TNRC6C: variants seen among roughly 807,000 people sequenced by gnomAD.
TNRC6C encodes the protein trinucleotide repeat containing adaptor 6C, also known as trinucleotide repeat-containing gene 6C protein.
Under a neutral mutation model 153.7 loss-of-function variants are expected in TNRC6C, and 20 were observed. The observed-to-expected ratio is 0.13, with a 90% CI of 0.09 to 0.19. TNRC6C has a LOEUF of 0.19. TNRC6C is among the 10% of genes least tolerant of loss of function. The pLI is 1.00. For synonymous variants in TNRC6C, 811 were observed against 841.4 expected, an observed-to-expected ratio of 0.96 and a Z score of 0.63; for missense variants, 1,987 against 2,172.0, an observed-to-expected ratio of 0.91 and a Z score of 1.69.
At chr17:77,981,762 G>A (rs1367889426) in intron 1 of TNRC6C, among the ~76,000 whole-genome samples, 2 of 152,186 alleles carry the variant, frequency 1.3e-5, no homozygotes, top group Non-Finnish European at 2.9e-5. Flanking sequence ...GTGGAACACC[G>A]CTATGCCCGT....
chr17:77,957,646 T>C (rs1225704047), upstream of TNRC6C, among the ~76,000 whole-genome samples: 2 of 152,234 alleles, frequency 1.3e-5, no homozygotes, highest in Non-Finnish European at 2.9e-5. Flanking sequence ...GATCCTCCAC[T>C]GAACGATGGG....
At chr17:78,058,091 C>G (rs865866757) in intron 3 of TNRC6C, among the ~76,000 whole-genome samples, 16 of 152,174 alleles carry the variant, frequency 1.1e-4, no homozygotes, top group African/African-American at 3.4e-4. Context: ...GCTCCAGAGG[C>G]CGCACTTGAC....
At chr17:78,107,228 T>C (rs2144705592) in exon 20 of TNRC6C, 1 of 152,340 alleles carries the variant, frequency 6.6e-6, no homozygotes, top group East Asian at 1.9e-4. Flanking sequence ...TATGTTTGTT[T>C]GTTTTTGGGT....
Position 78,096,163 on chromosome 17 carries a change from CAG to C in TNRC6C, c.4307-2176_4307-2175del, listed in dbSNP as rs555013938. Among the ~76,000 whole-genome samples, 22 of 152,320 alleles carry C rather than the reference CAG, an allele frequency of 1.4e-4. No individual in the cohort carries two copies. In the South Asian group the frequency reaches 4.6e-3, roughly 32 times the overall value. On this transcript the variant is annotated intron_variant, in intron 16 of 19. Coordinates refer to ENST00000301624, the Ensembl canonical transcript of TNRC6C. ...CTTCTTGAGGGAATTAACACAGGAA[CAG>C]AGAACAGACAGCTCACACGTTCCCA...
At chr17:78,074,996 G>A in intron 7 of TNRC6C, 140 bp from the exon 10 acceptor site, 9 of 1,128,142 alleles carry the variant, frequency 8.0e-6, no homozygotes, top group Non-Finnish European at 1.1e-5. Context: ...GCAAAGCAAG[G>A]GCTCTCTCTG....
intron 1 of TNRC6C, among the ~76,000 whole-genome samples, chr17:77,964,734 G>A (rs943006282): frequency 5.9e-5 from 9 of 152,090 alleles, no homozygotes; most frequent in South Asian, 4.1e-4. Context: ...TGTGGACAAC[G>A]GTTATTCAGA....
At chr17:78,030,752 C>T (rs1277526838) in intron 1 of TNRC6C, among the ~76,000 whole-genome samples, 1 of 152,132 alleles carries the variant, frequency 6.6e-6, no homozygotes, top group Non-Finnish European at 1.5e-5. Flanking sequence ...CAGTGGTTCT[C>T]ATAGAGAGGT....
chr17:77,970,487 C>T (rs957265467), intron 1 of TNRC6C, among the ~76,000 whole-genome samples: 7 of 152,168 alleles, frequency 4.6e-5, no homozygotes, highest in South Asian at 2.1e-4. Context: ...CCTCACCTGG[C>T]TGCTGCTTTA....
intron 16 of TNRC6C, among the ~76,000 whole-genome samples, chr17:78,094,735 T>C (rs2144588169): frequency 6.6e-6 from 1 of 152,358 alleles, no homozygotes; most frequent in Admixed American, 6.5e-5. Flanking sequence ...CCAGTGTGCC[T>C]GGCTGCTTCT....
At chr17:78,084,519 A>T (rs2073242493) in intron 11 of TNRC6C, among the ~76,000 whole-genome samples, 1 of 152,010 alleles carries the variant, frequency 6.6e-6, no homozygotes, top group South Asian at 2.1e-4. Context: ...TGTCCCAGAG[A>T]CACATGCTAT....
chr17:78,104,962 G>C lies in TNRC6C; in HGVS notation c.*117G>C. 1 of 1,299,118 alleles carries C rather than the reference G, an allele frequency of 7.7e-7. No individual in the cohort carries two copies. 80.5% of individuals were successfully genotyped at this position (1,299,118 alleles called of 1,614,324 possible). A position where few individuals can be genotyped will look rare whatever the true frequency, so the allele number is the denominator to read the frequency against. The stretch of plus-strand genomic sequence containing the variant: ...CCGCCCTTTTGAGTACCTCTGTCCA[G>C]GACTGAAGACGAACCTTGGCCGCAG... On this transcript the variant is annotated 3_prime_UTR_variant, in exon 20 of 20. Coordinates refer to ENST00000301624, the Ensembl canonical transcript of TNRC6C. The surrounding 1 kb of genome is among the most constrained non-coding windows in gnomAD (Gnocchi z 6.2).
intron 12 of TNRC6C, 127 bp from the exon 15 acceptor site, chr17:78,086,726 T>C (rs949819515): frequency 3.2e-6 from 5 of 1,565,828 alleles, no homozygotes; most frequent in East Asian, 4.5e-5. Flanking sequence ...TCAGCTAGGT[T>C]TGGGAGGAGG....
At chr17:78,012,994 C>G (rs1428384492) in intron 1 of TNRC6C, among the ~76,000 whole-genome samples, 1 of 152,138 alleles carries the variant, frequency 6.6e-6, no homozygotes, top group Non-Finnish European at 1.5e-5. Flanking sequence ...TGGGCCACTC[C>G]CAGTTGTGCC....
intron 1 of TNRC6C, among the ~76,000 whole-genome samples, chr17:78,010,384 G>A (rs2071605006): frequency 1.3e-5 from 2 of 152,112 alleles, no homozygotes; most frequent in South Asian, 4.1e-4. Context: ...ACAAAGTATT[G>A]GCAGTGTGCT....
chr17:78,090,850 A>G (rs2073380772), intron 13 of TNRC6C, among the ~76,000 whole-genome samples: 1 of 152,234 alleles, frequency 6.6e-6, no homozygotes, highest in African/African-American at 2.4e-5. Context: ...TGTAAAGGAA[A>G]CTCACTAAAG....
intron 17 of TNRC6C, among the ~76,000 whole-genome samples, chr17:78,101,045 G>A (rs2073584546): frequency 2.6e-5 from 4 of 152,116 alleles, no homozygotes; most frequent in Non-Finnish European, 4.4e-5. Context: ...CAAAATGCTG[G>A]GATTACAGGC....
intron 2 of TNRC6C, among the ~76,000 whole-genome samples, chr17:78,038,282 G>T (rs28540792): frequency 0.095 from 14,464 of 152,052 alleles, 1,883 homozygotes; most frequent in African/African-American, 0.3. Flanking sequence ...CAAGTGTTCC[G>T]ACAAATCAAA....
chr17:78,064,966 C>G, intron 4 of TNRC6C, 29 bp downstream of exon 6: 2 of 1,577,188 alleles, frequency 1.3e-6, no homozygotes, highest in Non-Finnish European at 1.7e-6. Flanking sequence ...TTGCCCTGAT[C>G]TGGCAATTTG....
intron 3 of TNRC6C, among the ~76,000 whole-genome samples, chr17:78,057,757 G>A (rs185850092): frequency 2.4e-4 from 36 of 152,274 alleles, no homozygotes; most frequent in African/African-American, 8.2e-4. Context: ...GTTTTAAGTT[G>A]TGGATCATTA....
Sources: gnomAD v4.1 joint callset for allele counts (sites outside exome capture counted in the v4.1 genomes callset) on GRCh38, gnomAD v4.1.1 for gene constraint, Gnocchi (gnomAD v3.1) non-coding constraint, MANE v1.5 for transcripts, NCBI Gene and HGNC (gene_info 2026-07-23, HGNC 2026-07-21) for gene names.